The following ULK1 variants were observed in gnomAD, a reference collection of about 807,000 sequenced individuals.
ULK1 encodes serine/threonine-protein kinase ULK1.
Under a neutral mutation model 117.5 loss-of-function variants are expected in ULK1, and 48 were observed. The observed-to-expected ratio is 0.41, with a 90% CI of 0.32 to 0.52. ULK1 has a LOEUF of 0.52. Ranked by LOEUF, ULK1 falls within the 20% of genes least tolerant of loss-of-function variation. The pLI, the probability that ULK1 is intolerant of heterozygous loss-of-function variation, is 0.29. For missense variants in ULK1, 1,387 were observed against 1,473.4 expected, an observed-to-expected ratio of 0.94 and a Z score of 0.96; for synonymous variants, 790 against 637.8, an observed-to-expected ratio of 1.24 and a Z score of -3.60.
At position 131,922,045 on chromosome 12, in the gene ULK1, G is replaced by A. The variant is rs1185620415; in HGVS notation, c.*684G>A. ...AGTGGGGCCCTGCGCTAGAGGCAGA[G>A]GCAGTTCTTTGTTCAAGCGTTCCTC... On this transcript the variant is annotated 3_prime_UTR_variant, in exon 28 of 28. Coordinates refer to ENST00000321867, the MANE Select transcript of ULK1 (RefSeq NM_003565.4). 1 of 454,076 alleles carries A rather than the reference G, an allele frequency of 2.2e-6. No homozygotes were observed. The highest frequency in any genetic ancestry group is 2.0e-5 in the African/African-American group (1 of 50,066). The allele number at this position is 454,076 out of a possible 1,614,324, so 28.1% of individuals were successfully genotyped here.
intron 5 of ULK1, 143 bp downstream of exon 5, chr12:131,907,674 G>C (rs1215890151): frequency 9.7e-7 from 1 of 1,036,160 alleles, no homozygotes; most frequent in East Asian, 2.7e-5. Context: ...TGTCCCCCTG[G>C]GCCTCTTGAG....
chr12:131,921,563 G>A lies in ULK1; in HGVS notation c.*202G>A. On this transcript the variant is annotated 3_prime_UTR_variant, in exon 28 of 28. Coordinates refer to ENST00000321867, the MANE Select transcript of ULK1 (RefSeq NM_003565.4). ...CATCTGGAGCCACACAGCTTGGGGG[G>A]TGTCTCCCATCTTTTACAGGTGGGG... The A allele has an allele frequency of 6.8e-6, 5 of 736,334 alleles. No individual in the cohort carries two copies. In the South Asian group the frequency reaches 8.7e-5, roughly 13 times the overall value. 45.6% of individuals were successfully genotyped at this position (736,334 alleles called of 1,614,324 possible).
rs145749850 is a variant in ULK1, at chr12:131,911,930, G to A, written c.949-12G>A. 22 of 1,612,738 alleles carry A rather than the reference G, an allele frequency of 1.4e-5. No homozygotes were observed. The highest frequency in any genetic ancestry group is 1.3e-4 in the Admixed American group (8 of 60,006). ...CTGAGACCTGCTCACCAGCCCCTCC[G>A]TTGACTCTCAGTCCCTGGGCGAGAT... On this transcript the variant is annotated splice_polypyrimidine_tract_variant and intron_variant, in intron 12 of 27. Transcript: ENST00000321867.
At chr12:131,918,176 C>T in intron 22 of ULK1, 1 of 449,496 alleles carries the variant, frequency 2.2e-6, no homozygotes, top group Non-Finnish European at 4.0e-6. Context: ...CGCACCTACC[C>T]CATTCCAGAC....
Position 131,919,570 on chromosome 12 carries a change from TGTC to T in ULK1, c.2787_2789del (p.Ser930del). 1 of 1,611,984 alleles carries T rather than the reference TGTC, an allele frequency of 6.2e-7. No individual in the cohort carries two copies. Among genetic ancestry groups the T allele is most frequent in the East Asian group, 2.2e-5 (1 of 44,878 alleles). ...CAGATCCGGGCCGGCAAGCTCTGCC[TGTC>T]GTCCACTGTGAAGCAGGGTGAGGGC... On this transcript the variant is annotated inframe_deletion, in exon 25 of 28. Coordinates refer to ENST00000321867, the MANE Select transcript of ULK1 (RefSeq NM_003565.4).
At chr12:131,920,228 G>T in intron 26 of ULK1, 92 bp downstream of exon 26, 1 of 1,485,358 alleles carries the variant, frequency 6.7e-7, no homozygotes. Context: ...CCACAGCGTG[G>T]TGAGACTTTG....
intron 3 of ULK1, among the ~76,000 whole-genome samples, chr12:131,901,330 G>A (rs1399225600): frequency 4.0e-5 from 6 of 150,990 alleles, no homozygotes; most frequent in Admixed American, 1.3e-4. Flanking sequence ...CTGCACTCCA[G>A]CCTGGGTGAC....
At chr12:131,921,038 C>A in intron 26 of ULK1, 62 bp from the exon 27 acceptor site, 1 of 1,517,908 alleles carries the variant, frequency 6.6e-7, no homozygotes, top group Admixed American at 1.9e-5. Flanking sequence ...GGGTGCAGGG[C>A]AGCCCTTGCT....
rs1388610649 is a variant in ULK1 at position 131,909,949 on chromosome 12, G to A, written c.756G>A (p.Arg252=). The stretch of plus-strand genomic sequence containing the variant: ...CCCGGGAGACCTCGGCCCCGCTGCG[G>A]CAGCTGCTCCTGGCCCTACTGCAAC... ...TIPRETSAPL[R]QLLLALLQRN... is the part of the protein sequence containing the mutation. The change falls in exon 10 of 28, where the codon CGG becomes CGA. Residue 252 remains arginine, a synonymous_variant. Transcript: ENST00000321867. The A allele has an allele frequency of 1.2e-6, 2 of 1,611,996 alleles. No individual in the cohort carries two copies. The highest frequency in any genetic ancestry group is 1.7e-6 in the Non-Finnish European group (2 of 1,179,818).
intron 14 of ULK1, 45 bp from the exon 15 acceptor site, chr12:131,913,702 C>CAAAAA: frequency 2.1e-6 from 2 of 963,084 alleles, no homozygotes; most frequent in Non-Finnish European, 2.8e-6. Context: ...GAGACTGCCC[C>CAAAAA]AAAAAAAACA....
chr12:131,900,340 G>A (rs1889037690), intron 3 of ULK1, among the ~76,000 whole-genome samples: 1 of 152,148 alleles, frequency 6.6e-6, no homozygotes, highest in South Asian at 2.1e-4. Context: ...TTATTGTGTT[G>A]GGTTTTGTGT....
Position 131,921,580 on chromosome 12 carries a change from C to T in ULK1, c.*219C>T, listed in dbSNP as rs183487764. On this transcript the variant is annotated 3_prime_UTR_variant, in exon 28 of 28. Coordinates refer to ENST00000321867, the MANE Select transcript of ULK1 (RefSeq NM_003565.4). ...CTTGGGGGGTGTCTCCCATCTTTTA[C>T]AGGTGGGGATCACAGAATTTCTGCC... is the stretch of plus-strand genomic sequence containing the variant. The T allele has an allele frequency of 2.8e-5, 19 of 682,386 alleles. No homozygotes were observed. The East Asian group carries it at 4.3e-4, about 16-fold the overall frequency. The allele number at this position is 682,386 out of a possible 1,614,324, so 42.3% of individuals were successfully genotyped here. A position where few individuals can be genotyped will look rare whatever the true frequency, so the allele number is the denominator to read the frequency against.
chr12:131,913,775 G>C lies in ULK1; in HGVS notation c.1186G>C (p.Glu396Gln), dbSNP rs755236078. ...CTCACTGGTGGCCTCTGCGGGCTTG[G>C]AGAGCCACGGCCGGACCCCATCTCC... ...GSSLVASAGLESHGRTPSPSP... is the reference protein window; with the variant it reads ...GSSLVASAGLQSHGRTPSPSP... Residue 396 changes from glutamate to glutamine, a missense_variant, in exon 15 of 28, where the codon GAG (glutamate) becomes CAG (glutamine). Glu to Gln is a conservative substitution (Grantham distance 29). This residue lies in a region of ULK1 where 260 missense variants were observed against 271.6 expected (regional missense o/e 0.96). Coordinates refer to ENST00000321867, the MANE Select transcript of ULK1 (RefSeq NM_003565.4). 2 of 1,574,188 alleles carry C rather than the reference G, an allele frequency of 1.3e-6. No individual in the cohort carries two copies. The highest frequency in any genetic ancestry group is 1.7e-6 in the Non-Finnish European group (2 of 1,160,392).
Position 131,910,259 on chromosome 12 carries a change from T to A in ULK1, c.814T>A (p.Phe272Ile). ...ACTCCTCCTTCCTCCTGCAGATGAGTTTTTTCATCACCCTTTCCTCGATGC... is the reference window on the plus strand; with the variant it reads ...ACTCCTCCTTCCTCCTGCAGATGAGATTTTTCATCACCCTTTCCTCGATGC... ...NHKDRMDFDE[F>I]FHHPFLDASP... Residue 272 changes from phenylalanine (F) to isoleucine (I), a missense_variant, in exon 11 of 28, where the codon TTT becomes ATT. Phe to Ile is a conservative substitution (Grantham distance 21). This residue lies in a region of ULK1 where 260 missense variants were observed against 271.6 expected (regional missense o/e 0.96). Transcript: ENST00000321867. 1 of 1,613,082 alleles carries A rather than the reference T, an allele frequency of 6.2e-7. No individual in the cohort carries two copies.
chr12:131,913,347 G>A (rs560336265), intron 14 of ULK1, 89 bp downstream of exon 14: 37 of 1,315,140 alleles, frequency 2.8e-5, no homozygotes, highest in Admixed American at 2.2e-4. Context: ...AGCCGAGATC[G>A]CGCCACTGCA....
In ULK1 at chr12:131,909,922, C is replaced by T. The variant is rs746975657; in HGVS notation, c.729C>T (p.Ile243=). 3.2e-5 allele frequency: 52 copies of T among 1,611,768 alleles called. No individual in the cohort carries two copies. The highest frequency in any genetic ancestry group is 4.2e-5 in the Non-Finnish European group (50 of 1,179,726). The part of the protein sequence containing the change: ...YEKNKTLVPT[I]PRETSAPLRQ... ...CACCAGCCTCCTCTTGCCCCAGCATCCCCCGGGAGACCTCGGCCCCGCTGC... is the reference window on the plus strand; with the variant it reads ...CACCAGCCTCCTCTTGCCCCAGCATTCCCCGGGAGACCTCGGCCCCGCTGC... Residue 243 remains isoleucine, a synonymous_variant, in exon 10 of 28, where the codon ATC becomes ATT. Transcript: ENST00000321867.
intron 4 of ULK1, among the ~76,000 whole-genome samples, chr12:131,907,264 G>A (rs558803823): frequency 6.6e-6 from 1 of 152,304 alleles, no homozygotes; most frequent in East Asian, 1.9e-4. Context: ...CAAGCGATCT[G>A]CCCACCTTGG....
intron 19 of ULK1, 30 bp downstream of exon 19, chr12:131,916,189 A>G (rs1157662691): frequency 6.3e-7 from 1 of 1,598,554 alleles, no homozygotes; most frequent in South Asian, 1.1e-5. Flanking sequence ...GTGCAGGGGC[A>G]CAGAGCCCTG....
At chr12:131,895,179 A>T in intron 1 of ULK1, 67 bp downstream of exon 1, 1 of 953,284 alleles carries the variant, frequency 1.0e-6, no homozygotes, top group Non-Finnish European at 1.3e-6. Flanking sequence ...CCGCCCCGAG[A>T]TTCCCCGCCT....
Sources: allele counts gnomAD v4.1 joint callset (sites outside exome capture counted in the v4.1 genomes callset), GRCh38; gene constraint gnomAD v4.1.1; regional missense constraint gnomAD v4.1.1; transcripts MANE v1.5; gene names NCBI Gene and HGNC (gene_info 2026-07-23, HGNC 2026-07-21).